The following ERAP1 variants were observed in gnomAD, a reference collection of about 807,000 sequenced individuals.
ERAP1 encodes the protein adipocyte-derived leucine aminopeptidase.
A neutral mutation model predicts 103.7 loss-of-function variants in ERAP1; 86 were observed. That is an observed-to-expected ratio of 0.83 (90% CI 0.70 to 0.99). The LOEUF (loss-of-function observed/expected upper bound fraction) is 0.99, where lower values mean the gene tolerates loss of function less well. Among genes scored for constraint, ERAP1 ranks in the 50% least tolerant of loss-of-function variants. ERAP1 has a pLI of 0.00. For missense variants in ERAP1, 1,009 were observed against 1,128.4 expected, an observed-to-expected ratio of 0.89 and a Z score of 1.52; for synonymous variants, 398 against 402.4, an observed-to-expected ratio of 0.99 and a Z score of 0.13.
chr5:96,859,155 A>G, the ERAP1 span, among the ~76,000 whole-genome samples: 1 of 151,816 alleles, frequency 6.6e-6, no homozygotes, highest in Non-Finnish European at 1.5e-5. Flanking sequence ...AGTAATTAGC[A>G]CAAGGCCTTC....
the ERAP1 span, chr5:96,889,520 T>C: frequency 1.4e-6 from 1 of 703,292 alleles, no homozygotes. Flanking sequence ...TATTCTTTTA[T>C]CAGGTTTAAC....
exon 20 of ERAP1, chr5:96,762,145 A>G (rs546060804): frequency 2.0e-5 from 10 of 487,984 alleles, no homozygotes; most frequent in African/African-American, 2.0e-4. Context: ...ATTATATGTT[A>G]TTATGAGTCT....
chr5:96,926,038 G>A, the ERAP1 span, among the ~76,000 whole-genome samples: 3 of 148,230 alleles, frequency 2.0e-5, no homozygotes, highest in Non-Finnish European at 4.4e-5. Context: ...AGCCTCCCAA[G>A]TAGCTGGGAC....
the ERAP1 span, among the ~76,000 whole-genome samples, chr5:96,840,100 A>T: frequency 6.6e-6 from 1 of 152,252 alleles, no homozygotes; most frequent in Non-Finnish European, 1.5e-5. Context: ...CAATTATTAG[A>T]TGAAAGGAAG....
the ERAP1 span, among the ~76,000 whole-genome samples, chr5:96,932,906 A>G: frequency 4.6e-5 from 7 of 152,230 alleles, no homozygotes; most frequent in African/African-American, 1.7e-4. Context: ...AGATGGGTAT[A>G]GTAGATAATG....
the ERAP1 span, chr5:96,902,501 A>G: frequency 1.8e-6 from 1 of 543,362 alleles, no homozygotes; most frequent in South Asian, 2.8e-5. Flanking sequence ...TACTAAAATA[A>G]CTCTTTTAGT....
the ERAP1 span, among the ~76,000 whole-genome samples, chr5:96,818,892 G>GCATT: frequency 7.7e-6 from 1 of 129,916 alleles, no homozygotes; most frequent in Non-Finnish European, 1.7e-5. Flanking sequence ...AACCTGAACT[G>GCATT]CATTTATTTA....
In ERAP1 at chr5:96,797,302, G is replaced by T; in HGVS notation, c.671C>A (p.Ser224Tyr). ...LAISNMPLVKSVTVAEGLIED... is the reference protein window; with the variant it reads ...LAISNMPLVKYVTVAEGLIED... Reference sequence around the variant, plus strand: ...TATGAGTCCTTCAGCAACAGTCACAGATTTCACCTAAAATCAGAATAATTC... The same window carrying T: ...TATGAGTCCTTCAGCAACAGTCACATATTTCACCTAAAATCAGAATAATTC... The change falls in exon 4 of 19, where the codon TCT becomes TAT. Residue 224 changes from serine (S) to tyrosine (Y), a missense_variant. By Grantham distance (144) the Ser-to-Tyr change is moderately radical. Around this residue, in one of 3 missense-constraint regions of ERAP1, gnomAD observed 392 missense variants for 455.2 expected, o/e 0.86. Transcript: ENST00000443439. The T allele has an allele frequency of 6.2e-7, 1 of 1,613,986 alleles. No individual in the cohort carries two copies. The highest frequency in any genetic ancestry group is 8.5e-7 in the Non-Finnish European group (1 of 1,179,960).
At chr5:96,770,158 G>T, downstream of ERAP1, 1 of 217,554 alleles carries the variant, frequency 4.6e-6, no homozygotes, top group Non-Finnish European at 9.5e-6. Context: ...TTCCATCATA[G>T]CCCATACCAA....
the ERAP1 span, among the ~76,000 whole-genome samples, chr5:96,867,724 C>T: frequency 6.6e-6 from 1 of 152,090 alleles, no homozygotes; most frequent in Non-Finnish European, 1.5e-5. Context: ...AACCAGCTCT[C>T]ATGGTGGGGA....
Position 96,793,887 on chromosome 5 carries a change from A to T in ERAP1, c.990T>A (p.Ser330=). 1 of 1,614,140 alleles carries T rather than the reference A, an allele frequency of 6.2e-7. No homozygotes were observed. The highest frequency in any genetic ancestry group is 1.1e-5 in the South Asian group (1 of 91,088). The change falls in exon 6 of 19, where the codon TCT becomes TCA. Residue 330 remains serine, a synonymous_variant. Transcript: ENST00000443439. ...ACTTTTCTGCATCAAACAACAGAGC[A>T]GATTCTCTATATGTTGTCAGTCCCC... is the stretch of plus-strand genomic sequence containing the variant. ...ENWGLTTYRE[S]ALLFDAEKSS... is the part of the protein sequence containing the mutation.
At chr5:96,891,935 C>T in the ERAP1 span, among the ~76,000 whole-genome samples, 1 of 151,966 alleles carries the variant, frequency 6.6e-6, no homozygotes, top group East Asian at 1.9e-4. Flanking sequence ...TATTTGATAC[C>T]CTTTTTAAAG....
intron 7 of ERAP1, 100 bp downstream of exon 7, chr5:96,793,300 T>C (rs1275955050): frequency 1.1e-6 from 1 of 906,004 alleles, no homozygotes; most frequent in African/African-American, 1.7e-5. Context: ...CAGTGAAATA[T>C]TTTTATAAGT....
the ERAP1 span, among the ~76,000 whole-genome samples, chr5:96,856,821 CA>C: frequency 6.6e-6 from 1 of 152,192 alleles, no homozygotes. Context: ...CTTTCTGATC[CA>C]AATATCAATA....
the ERAP1 span, among the ~76,000 whole-genome samples, chr5:96,815,204 T>C: frequency 1.3e-5 from 2 of 152,174 alleles, no homozygotes; most frequent in African/African-American, 4.8e-5. Flanking sequence ...TAGATTTGTT[T>C]TTTCCCTTGG....
Position 96,788,665 on chromosome 5 carries a change from C to G in ERAP1, c.1545G>C (p.Val515=), listed in dbSNP as rs2150944388. ...AAGTGTTCATCATGGTTTTCACATC[C>G]ACCCCTTCCTGATGCCAATGCTGGT... ...SSSSHWHQEG[V]DVKTMMNTWT... The change falls in exon 11 of 19, where the codon GTG becomes GTC. Residue 515 remains valine (V), a synonymous_variant. Transcript: ENST00000443439. 6.2e-7 allele frequency: 1 copy of G among 1,614,134 alleles called. No individual in the cohort carries two copies.
chr5:96,886,528 C>A, the ERAP1 span: 2 of 645,410 alleles, frequency 3.1e-6, no homozygotes, highest in South Asian at 5.6e-5. Flanking sequence ...GCCATTGCCC[C>A]CCTAGGAGGT....
intron 10 of ERAP1, among the ~76,000 whole-genome samples, chr5:96,789,756 A>G (rs1330990470): frequency 6.6e-6 from 1 of 152,208 alleles, no homozygotes; most frequent in African/African-American, 2.4e-5. Context: ...GTTAGATCTA[A>G]ATTCAGATCT....
chr5:96,815,816 G>A, the ERAP1 span, among the ~76,000 whole-genome samples: 1 of 152,094 alleles, frequency 6.6e-6, no homozygotes, highest in Admixed American at 6.5e-5. Context: ...TAAGAAACTT[G>A]CTTAACAGAA....
Sources: allele counts gnomAD v4.1 joint callset (sites outside exome capture counted in the v4.1 genomes callset), GRCh38; gene constraint gnomAD v4.1.1; regional missense constraint gnomAD v4.1.1; transcripts MANE v1.5; gene names NCBI Gene and HGNC (gene_info 2026-07-23, HGNC 2026-07-21).